The following DPH6 variants were observed in gnomAD, a reference collection of about 807,000 sequenced individuals.
DPH6 encodes diphthamine biosynthesis 6, also known as diphthine--ammonia ligase.
Under a neutral mutation model 38.2 loss-of-function variants are expected in DPH6, and 33 were observed. That is an observed-to-expected ratio of 0.86 (90% confidence interval 0.65 to 1.15). The LOEUF (loss-of-function observed/expected upper bound fraction) is 1.15, where lower values mean the gene tolerates loss of function less well. Among genes scored for constraint, DPH6 ranks in the 50% most tolerant of loss-of-function variants. The probability of loss-of-function intolerance (pLI) is 0.00; values close to 1 mark genes in which losing one functional copy is unlikely to be tolerated. For missense variants in DPH6, 325 were observed against 320.0 expected (o/e 1.02, Z -0.12); for synonymous variants, 108 against 103.0 (o/e 1.05, Z -0.30).
intron 3 of DPH6, among the ~76,000 whole-genome samples, chr15:35,293,748 C>T (rs777483926): frequency 1.1e-4 from 17 of 152,262 alleles, no homozygotes; most frequent in South Asian, 6.2e-4. Flanking sequence ...GCACTGTAAA[C>T]GCACAGAGGT....
the DPH6 span, among the ~76,000 whole-genome samples, chr15:35,197,301 T>C: frequency 2.6e-5 from 4 of 152,222 alleles, no homozygotes; most frequent in South Asian, 6.2e-4. Context: ...AATGTCAACA[T>C]TGCCTTTCAT....
chr15:35,432,700 TGA>T (rs2053647749), intron 5 of DPH6, among the ~76,000 whole-genome samples: 1 of 152,118 alleles, frequency 6.6e-6, no homozygotes, highest in South Asian at 2.1e-4. Flanking sequence ...TAATTGGGGC[TGA>T]GAGGAAGAAA....
At chr15:35,436,362 A>G (rs1595561418) in intron 5 of DPH6, among the ~76,000 whole-genome samples, 1 of 151,968 alleles carries the variant, frequency 6.6e-6, no homozygotes, top group African/African-American at 2.4e-5. Flanking sequence ...GCTACTCGGG[A>G]GGCTGAGGCA....
At chr15:35,476,396 T>A (rs1422524968) in intron 3 of DPH6, among the ~76,000 whole-genome samples, 1 of 151,848 alleles carries the variant, frequency 6.6e-6, no homozygotes, top group Non-Finnish European at 1.5e-5. Context: ...CCTGCTGTGT[T>A]AAATAAATGA....
intron 3 of DPH6, among the ~76,000 whole-genome samples, chr15:35,231,683 G>T (rs1183387051): frequency 2.0e-5 from 3 of 152,150 alleles, no homozygotes; most frequent in Admixed American, 2.0e-4. Context: ...ATGAATAAGA[G>T]ATTTACTTGG....
chr15:35,332,772 GTTA>G (rs1178345893), intron 3 of DPH6, among the ~76,000 whole-genome samples: 1 of 152,038 alleles, frequency 6.6e-6, no homozygotes, highest in East Asian at 1.9e-4. Flanking sequence ...ATTAGTTAAT[GTTA>G]TTGTTAAATT....
chr15:35,429,555 G>A (rs1471459609), intron 5 of DPH6, among the ~76,000 whole-genome samples: 1 of 151,972 alleles, frequency 6.6e-6, no homozygotes, highest in Non-Finnish European at 1.5e-5. Context: ...GATATAATAC[G>A]TCAGTAGGGT....
the DPH6 span, among the ~76,000 whole-genome samples, chr15:35,194,084 C>T: frequency 6.6e-6 from 1 of 152,228 alleles, no homozygotes; most frequent in Non-Finnish European, 1.5e-5. Flanking sequence ...AAGAAGATGA[C>T]AAGAAAACCT....
At chr15:35,381,356 G>A (rs1294153899) in intron 7 of DPH6, among the ~76,000 whole-genome samples, 1 of 152,092 alleles carries the variant, frequency 6.6e-6, no homozygotes, top group Non-Finnish European at 1.5e-5. Flanking sequence ...AAGTTTATGT[G>A]TAAAAATAAC....
In DPH6 at chr15:35,454,758, T is replaced by G; in HGVS notation, c.375A>C (p.Arg125=). The G allele has an allele frequency of 6.2e-7, 1 of 1,608,402 alleles. No homozygotes were observed. The highest frequency in any genetic ancestry group is 1.7e-5 in the Admixed American group (1 of 59,096). The stretch of plus-strand genomic sequence containing the variant: ...TAATGTTTTCTTACACATTTTCCAC[T>G]CGAATACGCTGATAGTCAGAAAGTA... The part of the protein sequence containing the change: ...GAILSDYQRI[R]VENVCKRLNL... The change falls in exon 4 of 9, where the codon CGA becomes CGC. Residue 125 remains arginine (R), a synonymous_variant. Transcript: ENST00000256538.
intron 3 of DPH6, among the ~76,000 whole-genome samples, chr15:35,295,718 C>T (rs925522395): frequency 6.6e-6 from 1 of 152,116 alleles, no homozygotes; most frequent in Non-Finnish European, 1.5e-5. Flanking sequence ...AAGTCTGATC[C>T]ATTAGTAATC....
At chr15:35,306,332 C>G (rs147779644) in intron 3 of DPH6, among the ~76,000 whole-genome samples, 1 of 152,100 alleles carries the variant, frequency 6.6e-6, no homozygotes, top group East Asian at 1.9e-4. Flanking sequence ...AAGTGATGCA[C>G]TCAATTGGCT....
At chr15:35,174,436 T>C in the DPH6 span, among the ~76,000 whole-genome samples, 1 of 152,200 alleles carries the variant, frequency 6.6e-6, no homozygotes, top group Admixed American at 6.5e-5. Flanking sequence ...TCTGCCCATT[T>C]CTGACCACCT....
intron 7 of DPH6, among the ~76,000 whole-genome samples, chr15:35,376,078 G>A (rs2052775248): frequency 6.6e-6 from 1 of 152,022 alleles, no homozygotes. Flanking sequence ...TCCGTTATGT[G>A]CTTCAGTATT....
At chr15:35,439,806 C>T (rs1397975185) in intron 5 of DPH6, among the ~76,000 whole-genome samples, 5 of 151,938 alleles carry the variant, frequency 3.3e-5, no homozygotes, top group African/African-American at 1.2e-4. Context: ...AAAGTCCTAT[C>T]TGAGATTCCT....
intron 3 of DPH6, among the ~76,000 whole-genome samples, chr15:35,535,036 A>G (rs1381752059): frequency 1.3e-5 from 2 of 152,192 alleles, no homozygotes; most frequent in African/African-American, 4.8e-5. Flanking sequence ...CTGACTGGCT[A>G]TCACCTGGAT....
chr15:35,266,487 C>T (rs2051784574), intron 3 of DPH6, among the ~76,000 whole-genome samples: 1 of 152,150 alleles, frequency 6.6e-6, no homozygotes, highest in African/African-American at 2.4e-5. Context: ...AGGGACTAAA[C>T]TTTCAATTTA....
chr15:35,286,122 T>C (rs1046702734), intron 3 of DPH6, among the ~76,000 whole-genome samples: 2 of 152,070 alleles, frequency 1.3e-5, no homozygotes, highest in Non-Finnish European at 2.9e-5. Context: ...CATCACTTTA[T>C]TGTCAAATAA....
chr15:35,364,841 T>G (rs1056680564), intron 3 of DPH6, among the ~76,000 whole-genome samples: 1 of 152,056 alleles, frequency 6.6e-6, no homozygotes, highest in Admixed American at 6.6e-5. Context: ...TTAGCTACTA[T>G]GCTTTTAAAC....
Sources: gnomAD v4.1 joint callset for allele counts (sites outside exome capture counted in the v4.1 genomes callset) on GRCh38, gnomAD v4.1.1 for gene constraint, MANE v1.5 for transcripts, NCBI Gene and HGNC (gene_info 2026-07-23, HGNC 2026-07-21) for gene names.